Variants in MAN1B1 observed in about 807,000 individuals in gnomAD.
MAN1B1 encodes mannosidase alpha class 1B member 1.
A neutral mutation model predicts 75.5 loss-of-function variants in MAN1B1; 66 were observed. The ratio of observed to expected loss-of-function variants is 0.87; its 90% CI spans 0.72 to 1.07. The LOEUF (loss-of-function observed/expected upper bound fraction) is 1.07. Ranked by LOEUF, MAN1B1 falls within the 50% of genes least tolerant of loss-of-function variation. The pLI is 0.00. For missense variants in MAN1B1, 973 were observed against 912.5 expected (o/e 1.07, Z -0.85); for synonymous variants, 453 against 382.8 (o/e 1.18, Z -2.14).
intron 12 of MAN1B1, 89 bp from the exon 13 acceptor site, chr9:137,108,299 C>G: frequency 1.7e-6 from 2 of 1,188,622 alleles, no homozygotes; most frequent in South Asian, 2.5e-5. Flanking sequence ...GGGCCACATT[C>G]ACCATGGGGT....
chr9:137,092,596 C>T (rs907684531), intron 3 of MAN1B1, among the ~76,000 whole-genome samples: 4 of 152,040 alleles, frequency 2.6e-5, no homozygotes, highest in Non-Finnish European at 5.9e-5. Flanking sequence ...TGTAAATGTC[C>T]CCATTACATC....
intron 8 of MAN1B1, chr9:137,105,879 C>G (rs1388285810): frequency 1.5e-6 from 1 of 661,906 alleles, no homozygotes; most frequent in African/African-American, 1.8e-5. Flanking sequence ...GATGGGTCAG[C>G]TCTGTGGTGA....
chr9:137,107,037 G>A (rs758710811), intron 10 of MAN1B1: 39 of 747,408 alleles, frequency 5.2e-5, no homozygotes, highest in South Asian at 2.0e-4. Flanking sequence ...CCCCGTGCCC[G>A]GTGTGTAGCA....
chr9:137,098,151 A>G (rs988102702), intron 5 of MAN1B1, among the ~76,000 whole-genome samples: 6 of 152,214 alleles, frequency 3.9e-5, no homozygotes, highest in African/African-American at 1.4e-4. Context: ...TGGCTGCAGA[A>G]GAAGGTGTGT....
chr9:137,107,560 A>G lies in MAN1B1; in HGVS notation c.1794A>G (p.Pro598=). Residue 598 remains proline, a synonymous_variant, in exon 12 of 13, where the codon CCA becomes CCG. Coordinates refer to ENST00000371589, the MANE Select transcript of MAN1B1 (RefSeq NM_016219.5). ...CAGACAGGCACAACCTGCTGCGGCC[A>G]GAGACCGTGGAGAGCCTGTTCTACC... ...KPADRHNLLR[P]ETVESLFYLY... 1 of 1,612,832 alleles carries G rather than the reference A, an allele frequency of 6.2e-7. No individual in the cohort carries two copies. Among genetic ancestry groups the G allele is most frequent in the African/African-American group, 1.3e-5 (1 of 75,066 alleles).
chr9:137,103,883 A>C (rs1399634826), intron 8 of MAN1B1: 1 of 451,278 alleles, frequency 2.2e-6, no homozygotes, highest in African/African-American at 2.1e-5. Flanking sequence ...GTGGTGTTAC[A>C]CACATTCATG....
chr9:137,104,654 AATCCT>A (rs1831029314), intron 8 of MAN1B1: 1 of 168,390 alleles, frequency 5.9e-6, no homozygotes, highest in African/African-American at 2.4e-5. Context: ...CTTTTTGTTT[AATCCT>A]CTCTCCTCTG....
chr9:137,105,875 T>C (rs1190191213), intron 8 of MAN1B1: 2 of 657,270 alleles, frequency 3.0e-6, no homozygotes, highest in Non-Finnish European at 5.6e-6. Context: ...TGAAGATGGG[T>C]CAGCTCTGTG....
At chr9:137,106,422 C>T (rs755753879) in intron 9 of MAN1B1, 107 bp downstream of exon 9, 45 of 1,143,036 alleles carry the variant, frequency 3.9e-5, no homozygotes, top group Non-Finnish European at 5.3e-5. Context: ...TGCCCCCCGC[C>T]ACACTGTGTG....
At chr9:137,088,486 A>G in intron 2 of MAN1B1, 3 of 1,377,280 alleles carry the variant, frequency 2.2e-6, no homozygotes, top group South Asian at 1.2e-5. Flanking sequence ...CAAATTTCGT[A>G]GCACTCATTA....
rs12000048 is a variant in MAN1B1 at position 137,107,396 on chromosome 9, C to T, written c.1713C>T (p.Ile571=). ...RQMETGLSPE[I]VHFNLYPQPG... is the part of the protein sequence containing the mutation. ...TGGAGACGGGGCTGAGTCCCGAGAT[C>T]GTGCACTTCAACCTTTACCCCCAGC... The change falls in exon 11 of 13, where the codon ATC becomes ATT. Residue 571 remains isoleucine (I), a synonymous_variant. Transcript: ENST00000371589. 1,320 of 1,613,438 alleles carry T rather than the reference C, an allele frequency of 8.2e-4. 8 individuals are homozygous for T. The African/African-American group carries it at 0.015, about 18-fold the overall frequency.
At position 137,098,066 on chromosome 9, in the gene MAN1B1, C is replaced by T. The variant is rs530501906; in HGVS notation, c.730+129C>T. On this transcript the variant is annotated intron_variant, in intron 5 of 12. Transcript: ENST00000371589. ...GTGCACCTTGCCCTTCAGCATCCCC[C>T]TGTTGTCTGAGTCCTCACAGGCTCT... 8.5e-6 allele frequency: 6 copies of T among 703,248 alleles called. No individual in the cohort carries two copies. In the African/African-American group the frequency reaches 8.7e-5, roughly 10 times the overall value. 43.6% of individuals were successfully genotyped at this position (703,248 alleles called of 1,614,324 possible).
chr9:137,100,579 A>G (rs187971158), intron 6 of MAN1B1, among the ~76,000 whole-genome samples: 236 of 152,112 alleles, frequency 1.6e-3, no homozygotes, highest in Admixed American at 6.9e-3. Context: ...CTGGAGTGCA[A>G]TGGCGCAATC....
At chr9:137,100,213 T>G (rs555742568) in intron 6 of MAN1B1, among the ~76,000 whole-genome samples, 2 of 152,250 alleles carry the variant, frequency 1.3e-5, no homozygotes, top group Non-Finnish European at 2.9e-5. Flanking sequence ...GTCCCAGATC[T>G]CAGCAGCATC....
Position 137,106,322 on chromosome 9 carries a change from C to T in MAN1B1, c.1445+7C>T. On this transcript the variant is annotated splice_region_variant and intron_variant, in intron 9 of 12. Transcript: ENST00000371589. ...GCGGGAAGCAGGAGACACAGTGAGG[C>T]CCGGCCCGCTGCCCCCAGCTCCCGC... The T allele has an allele frequency of 1.9e-6, 3 of 1,546,618 alleles. No individual in the cohort carries two copies. The highest frequency in any genetic ancestry group is 2.6e-6 in the Non-Finnish European group (3 of 1,145,412).
intron 8 of MAN1B1, chr9:137,103,706 G>C (rs966352826): frequency 4.6e-6 from 2 of 436,778 alleles, no homozygotes; most frequent in Non-Finnish European, 9.1e-6. Context: ...ACTGTTGCAG[G>C]CGTGCAGGTC....
intron 5 of MAN1B1, among the ~76,000 whole-genome samples, chr9:137,098,223 T>C (rs1370003923): frequency 2.6e-5 from 4 of 152,240 alleles, no homozygotes; most frequent in Non-Finnish European, 5.9e-5. Context: ...CTGCCCGTGC[T>C]GTGTCCCCTG....
At chr9:137,089,770 A>T (rs887458062) in intron 3 of MAN1B1, among the ~76,000 whole-genome samples, 13 of 152,084 alleles carry the variant, frequency 8.5e-5, no homozygotes, top group Admixed American at 8.5e-4. Flanking sequence ...AGTGCTCCGC[A>T]GGAGTGGGCC....
At chr9:137,098,915 T>C (rs7854509) in intron 5 of MAN1B1, among the ~76,000 whole-genome samples, 105 of 152,314 alleles carry the variant, frequency 6.9e-4, no homozygotes, top group Middle Eastern at 3.4e-3. Context: ...CTGCAACGTC[T>C]GCCTTCTGGG....
Sources: gnomAD v4.1 joint callset for allele counts (sites outside exome capture counted in the v4.1 genomes callset) on GRCh38, gnomAD v4.1.1 for gene constraint, MANE v1.5 for transcripts, NCBI Gene and HGNC (gene_info 2026-07-23, HGNC 2026-07-21) for gene names.